The following PLXDC2 variants were observed in gnomAD, a reference collection of about 807,000 sequenced individuals.
The protein encoded by PLXDC2 is plexin domain-containing protein 2.
Under a neutral mutation model 68.9 loss-of-function variants are expected in PLXDC2, and 40 were observed. The observed-to-expected ratio is 0.58, with a 90% CI of 0.45 to 0.76. The LOEUF is 0.76. Among genes scored for constraint, PLXDC2 ranks in the 30% least tolerant of loss-of-function variants. The pLI is 0.00. For synonymous variants in PLXDC2, 243 were observed against 234.2 expected (o/e 1.04, Z -0.34); for missense variants, 644 against 661.9 (o/e 0.97, Z 0.30).
chr10:20,221,965 G>A (rs1409952426), intron 12 of PLXDC2, among the ~76,000 whole-genome samples: 3 of 152,028 alleles, frequency 2.0e-5, no homozygotes, highest in Admixed American at 2.0e-4. Context: ...TATATTTGAG[G>A]TTTACAACAT....
chr10:20,055,213 A>G (rs1402481664), intron 3 of PLXDC2, among the ~76,000 whole-genome samples: 2 of 152,056 alleles, frequency 1.3e-5, no homozygotes, highest in African/African-American at 4.8e-5. Context: ...ATTTCTGACT[A>G]CTTGAATATA....
intron 1 of PLXDC2, among the ~76,000 whole-genome samples, chr10:19,858,211 G>C (rs11818159): frequency 0.7 from 106,962 of 151,976 alleles, 38,683 homozygotes; most frequent in African/African-American, 0.88. Flanking sequence ...TCGGGTGGCT[G>C]TAGTCCCCCA....
intron 3 of PLXDC2, among the ~76,000 whole-genome samples, chr10:20,052,138 A>G (rs1438233353): frequency 6.6e-6 from 1 of 152,066 alleles, no homozygotes; most frequent in African/African-American, 2.4e-5. Context: ...TTGAAAAAAA[A>G]TGCTATGTGA....
chr10:20,088,261 A>G (rs559348569), intron 4 of PLXDC2, among the ~76,000 whole-genome samples: 1 of 152,348 alleles, frequency 6.6e-6, no homozygotes, highest in East Asian at 1.9e-4. Flanking sequence ...CATAGCTACA[A>G]TGAAGGAGCT....
intron 1 of PLXDC2, among the ~76,000 whole-genome samples, chr10:19,837,442 G>A (rs28480391): frequency 6.9e-6 from 1 of 145,390 alleles, no homozygotes; most frequent in African/African-American, 2.7e-5. Flanking sequence ...GTGTGTGTGT[G>A]TGTATGTGTG....
chr10:19,906,873 G>A (rs1341497391), intron 1 of PLXDC2, among the ~76,000 whole-genome samples: 5 of 152,132 alleles, frequency 3.3e-5, no homozygotes, highest in African/African-American at 4.8e-5. Flanking sequence ...TGTCTGCCTG[G>A]AGCCCGAATG....
chr10:19,988,376 G>T (rs1834684607), intron 1 of PLXDC2, among the ~76,000 whole-genome samples: 1 of 151,894 alleles, frequency 6.6e-6, no homozygotes, highest in Non-Finnish European at 1.5e-5. Flanking sequence ...CCATTTGTAG[G>T]TTAGAGAAAT....
At chr10:19,850,646 T>C (rs1837098545) in intron 1 of PLXDC2, among the ~76,000 whole-genome samples, 1 of 152,186 alleles carries the variant, frequency 6.6e-6, no homozygotes, top group Admixed American at 6.5e-5. Flanking sequence ...GCATTTAAAT[T>C]ACTATCTGTT....
At chr10:20,226,480 C>T (rs1835289098) in intron 12 of PLXDC2, among the ~76,000 whole-genome samples, 1 of 152,140 alleles carries the variant, frequency 6.6e-6, no homozygotes, top group Non-Finnish European at 1.5e-5. Context: ...TTTGTTGAAC[C>T]ATATGAAATT....
chr10:20,150,791 C>T (rs759646410), intron 6 of PLXDC2, among the ~76,000 whole-genome samples: 3 of 152,172 alleles, frequency 2.0e-5, no homozygotes, highest in Admixed American at 1.3e-4. Flanking sequence ...TTACGCTGTT[C>T]TCAAAGGTGT....
intron 7 of PLXDC2, among the ~76,000 whole-genome samples, chr10:20,165,570 T>C (rs1406598309): frequency 6.6e-6 from 1 of 152,170 alleles, no homozygotes; most frequent in African/African-American, 2.4e-5. Context: ...AGAATGATGA[T>C]TTCCAATTTC....
intron 4 of PLXDC2, among the ~76,000 whole-genome samples, chr10:20,099,868 A>C (rs890940589): frequency 2.6e-5 from 4 of 152,030 alleles, no homozygotes; most frequent in Admixed American, 1.3e-4. Context: ...CATTTAAAAA[A>C]ATCAAAATAC....
chr10:20,037,334 T>C (rs1835594944), intron 2 of PLXDC2, among the ~76,000 whole-genome samples: 1 of 151,864 alleles, frequency 6.6e-6, no homozygotes, highest in African/African-American at 2.4e-5. Context: ...TCAGATTCTC[T>C]TTCTGGCATC....
At chr10:20,124,523 G>A (rs538072373) in intron 4 of PLXDC2, among the ~76,000 whole-genome samples, 5 of 152,218 alleles carry the variant, frequency 3.3e-5, no homozygotes, top group South Asian at 2.1e-4. Context: ...TCCAAGTCAC[G>A]GCACCAAATT....
intron 1 of PLXDC2, among the ~76,000 whole-genome samples, chr10:19,823,890 C>T (rs1452149094): frequency 6.6e-6 from 1 of 152,020 alleles, no homozygotes; most frequent in Non-Finnish European, 1.5e-5. Flanking sequence ...CACCTGTAGT[C>T]CCAGCTACTT....
chr10:20,271,917 A>G (rs781034568), intron 13 of PLXDC2, among the ~76,000 whole-genome samples: 4 of 152,154 alleles, frequency 2.6e-5, no homozygotes, highest in Non-Finnish European at 5.9e-5. Flanking sequence ...TTTATGTACA[A>G]ATATATTATT....
intron 12 of PLXDC2, among the ~76,000 whole-genome samples, chr10:20,244,801 T>C (rs184988367): frequency 6.6e-6 from 1 of 152,288 alleles, no homozygotes; most frequent in Non-Finnish European, 1.5e-5. Flanking sequence ...AAGCTATTCA[T>C]TTTGCTTATC....
chr10:19,984,216 G>A (rs2131622334), intron 1 of PLXDC2, among the ~76,000 whole-genome samples: 1 of 152,258 alleles, frequency 6.6e-6, no homozygotes, highest in African/African-American at 2.4e-5. Context: ...TTTCTGGATG[G>A]CCACTCCAGT....
intron 3 of PLXDC2, among the ~76,000 whole-genome samples, chr10:20,057,681 G>T (rs904217157): frequency 2.0e-5 from 3 of 152,028 alleles, no homozygotes; most frequent in Admixed American, 1.3e-4. Context: ...TAAATTGCCA[G>T]AAATTTCCTA....
Sources: gnomAD v4.1 joint callset for allele counts (sites outside exome capture counted in the v4.1 genomes callset) on GRCh38, gnomAD v4.1.1 for gene constraint, MANE v1.5 for transcripts, NCBI Gene and HGNC (gene_info 2026-07-23, HGNC 2026-07-21) for gene names.